TASOR2: variants seen among roughly 807,000 people sequenced by gnomAD.
The protein encoded by TASOR2 is protein TASOR 2.
Under a neutral mutation model 199.5 loss-of-function variants are expected in TASOR2, and 84 were observed. That is an observed-to-expected ratio of 0.42 (90% CI 0.35 to 0.50). TASOR2 has a LOEUF of 0.50. Among genes scored for constraint, TASOR2 ranks in the 20% least tolerant of loss-of-function variants. TASOR2 has a pLI of 0.02. For synonymous variants in TASOR2, 1,103 were observed against 1,046.6 expected, an observed-to-expected ratio of 1.05 and a Z score of -1.04; for missense variants, 2,796 against 2,835.9, an observed-to-expected ratio of 0.99 and a Z score of 0.32.
At chr10:5,728,541 C>G (rs1270650236) in intron 10 of TASOR2, among the ~76,000 whole-genome samples, 3 of 151,572 alleles carry the variant, frequency 2.0e-5, no homozygotes, top group East Asian at 3.9e-4. Context: ...GAGGCTGAGG[C>G]AGGGGAATCA....
intron 11 of TASOR2, among the ~76,000 whole-genome samples, chr10:5,732,965 A>G (rs1564316285): frequency 1.3e-5 from 2 of 152,214 alleles, no homozygotes; most frequent in African/African-American, 2.4e-5. Flanking sequence ...GCACCAGACT[A>G]TACAACTATC....
rs1191512265 is a variant in TASOR2 at position 5,699,741 on chromosome 10, A to T, written c.-287-13082A>T. On this transcript the variant is annotated intron_variant, in intron 1 of 20. Transcript: ENST00000328090. This position sits in a 1 kb window ranked among gnomAD's most constrained non-coding sequence, Gnocchi z 4.1. The stretch of plus-strand genomic sequence containing the variant: ...AAAGTAGAAATGAAATTTTATGGTA[A>T]GTATATTTTACCACAATTTTGATAA... 7.1e-6 allele frequency: 6 copies of T among 843,314 alleles called. No homozygotes were observed. Among genetic ancestry groups the T allele is most frequent in the Non-Finnish European group, 8.6e-6 (6 of 700,530 alleles). 52.2% of individuals were successfully genotyped at this position (843,314 alleles called of 1,614,324 possible). A position where few individuals can be genotyped will look rare whatever the true frequency, so the allele number is the denominator to read the frequency against.
At chr10:5,735,176 C>T (rs1055588053) in intron 11 of TASOR2, 128 bp from the exon 13 acceptor site, 1 of 1,078,038 alleles carries the variant, frequency 9.3e-7, no homozygotes, top group Non-Finnish European at 1.3e-6. Context: ...CCTGAAACTT[C>T]ATAGTTTATT....
At chr10:5,746,146 GA>G (rs751242291) in intron 14 of TASOR2, 32 bp from the exon 16 acceptor site, 2 of 972,344 alleles carry the variant, frequency 2.1e-6, no homozygotes, top group Non-Finnish European at 2.9e-6. Context: ...TTATATGACT[GA>G]TTTTTTTTTT....
chr10:5,726,649 G>A (rs1373851850), intron 8 of TASOR2, among the ~76,000 whole-genome samples: 1 of 152,160 alleles, frequency 6.6e-6, no homozygotes, highest in Non-Finnish European at 1.5e-5. Context: ...CTTGAGCACT[G>A]TTCTAAAACT....
intron 3 of TASOR2, among the ~76,000 whole-genome samples, chr10:5,718,313 C>T (rs35585360): frequency 0.42 from 61,116 of 145,406 alleles, 13,223 homozygotes; most frequent in Middle Eastern, 0.58. Context: ...TCTGTGGTCT[C>T]GTTTTATTGT....
chr10:5,742,354 A>G lies in TASOR2; in HGVS notation c.2585A>G (p.His862Arg). 1 of 1,614,182 alleles carries G rather than the reference A, an allele frequency of 6.2e-7. No individual in the cohort carries two copies. The highest frequency in any genetic ancestry group is 8.5e-7 in the Non-Finnish European group (1 of 1,180,030). The change falls in exon 14 of 21, where the codon CAT becomes CGT. Residue 862 changes from histidine (H) to arginine (R), a missense_variant. Coordinates refer to ENST00000328090, the Ensembl canonical transcript of TASOR2. This position sits in a 1 kb window ranked among gnomAD's most constrained non-coding sequence, Gnocchi z 4.2. ...GAGACTAACGAAATTTCCAGGGCTCATGCTGCTGAAGTATCCTTCCGTGAT... is the reference window on the plus strand; with the variant it reads ...GAGACTAACGAAATTTCCAGGGCTCGTGCTGCTGAAGTATCCTTCCGTGAT...
chr10:5,726,662 C>T (rs1018298264), intron 8 of TASOR2, among the ~76,000 whole-genome samples: 2 of 152,164 alleles, frequency 1.3e-5, no homozygotes, highest in Non-Finnish European at 2.9e-5. Flanking sequence ...CTAAAACTAA[C>T]CTTTCATGTT....
intron 2 of TASOR2, chr10:5,713,806 C>G (rs1159830639): frequency 6.0e-6 from 1 of 165,524 alleles, no homozygotes; most frequent in Non-Finnish European, 1.3e-5. Context: ...TGGTAAAATT[C>G]TATGAAAAGT....
At chr10:5,708,491 T>A (rs1244151828) in intron 1 of TASOR2, among the ~76,000 whole-genome samples, 1 of 152,186 alleles carries the variant, frequency 6.6e-6, no homozygotes, top group Non-Finnish European at 1.5e-5. Context: ...CAGATTTTTC[T>A]TCCTTGTCTA....
At chr10:5,759,955 A>G (rs1839544029) in intron 18 of TASOR2, among the ~76,000 whole-genome samples, 1 of 152,228 alleles carries the variant, frequency 6.6e-6, no homozygotes. Flanking sequence ...AGCACATTTA[A>G]GGTTCTGATG....
intron 1 of TASOR2, among the ~76,000 whole-genome samples, chr10:5,688,016 C>G (rs1835980812): frequency 6.6e-6 from 1 of 152,116 alleles, no homozygotes; most frequent in Middle Eastern, 3.2e-3. Flanking sequence ...TACATTTTTG[C>G]AAATACGCTG....
In TASOR2 at chr10:5,685,312, G is replaced by T. The variant is rs1293850778; in HGVS notation, c.-288+137G>T. 7.6e-6 allele frequency: 3 copies of T among 396,318 alleles called. 1 individual carries two copies. The highest frequency in any genetic ancestry group is 4.4e-6 in the Non-Finnish European group (1 of 225,058). The allele number at this position is 396,318 out of a possible 1,614,324, so 24.6% of individuals were successfully genotyped here. On this transcript the variant is annotated intron_variant, in intron 1 of 20. Transcript: ENST00000328090. The surrounding 1 kb of genome is among the most constrained non-coding windows in gnomAD (Gnocchi z 5.4). ...CTCCTTGCCTTTTGCCGCGCTCCGGGTGAGGGGGTGGGAGGGGTCGGCGCC... is the reference window on the plus strand; with the variant it reads ...CTCCTTGCCTTTTGCCGCGCTCCGGTTGAGGGGGTGGGAGGGGTCGGCGCC...
chr10:5,732,614 G>A (rs1057347024), intron 11 of TASOR2, among the ~76,000 whole-genome samples: 3 of 152,208 alleles, frequency 2.0e-5, no homozygotes, highest in African/African-American at 7.2e-5. Flanking sequence ...CTGGAGTTGA[G>A]TGACATGATC....
At position 5,727,010 on chromosome 10, in the gene TASOR2, T is replaced by G. The variant is rs147563603; in HGVS notation, c.425-51T>G. 75 of 1,613,522 alleles carry G rather than the reference T, an allele frequency of 4.6e-5. No individual in the cohort carries two copies. The African/African-American group carries it at 8.8e-4, about 19-fold the overall frequency. ...ATTTTTCATTATGTTTACTTTTGCTTTATAAGATCAACAACCTAACTTTTC... is the reference window on the plus strand; with the variant it reads ...ATTTTTCATTATGTTTACTTTTGCTGTATAAGATCAACAACCTAACTTTTC... On this transcript the variant is annotated intron_variant, in intron 9 of 20. Transcript: ENST00000328090.
rs572935130 is a variant in TASOR2, at chr10:5,738,106, A to G, written c.1448-1512A>G. Among the ~76,000 whole-genome samples the G allele has an allele frequency of 1.3e-4, 20 of 152,328 alleles. 1 individual carries two copies. The highest frequency in any genetic ancestry group is 4.8e-4 in the African/African-American group (20 of 41,582). On this transcript the variant is annotated intron_variant, in intron 12 of 20. Transcript: ENST00000328090. This position sits in a 1 kb window ranked among gnomAD's most constrained non-coding sequence, Gnocchi z 4.7. ...TTGCAAATTACTGATTTAAATTAGA[A>G]TCAAATGATAATTTTGAAGTCAGAC...
At position 5,699,183 on chromosome 10, in the gene TASOR2, T is replaced by C. The variant is rs1437395393; in HGVS notation, c.-287-13640T>C. Among the ~76,000 whole-genome samples the C allele has an allele frequency of 2.0e-5, 3 of 152,150 alleles. No homozygotes were observed. Among genetic ancestry groups the C allele is most frequent in the Non-Finnish European group, 4.4e-5 (3 of 67,988 alleles). Reference sequence around the variant, plus strand: ...ATATTGATATATGCTTTAACATGGATGAACTTCAAAAACAGGCTAAGTGAA... The same window carrying C: ...ATATTGATATATGCTTTAACATGGACGAACTTCAAAAACAGGCTAAGTGAA... On this transcript the variant is annotated intron_variant, in intron 1 of 20. Coordinates refer to ENST00000328090, the Ensembl canonical transcript of TASOR2. The surrounding 1 kb of genome is among the most constrained non-coding windows in gnomAD (Gnocchi z 4.1).
chr10:5,732,680 C>G (rs1834993956), intron 11 of TASOR2, among the ~76,000 whole-genome samples: 1 of 152,146 alleles, frequency 6.6e-6, no homozygotes, highest in Non-Finnish European at 1.5e-5. Context: ...GCCTCAGCCT[C>G]TGGAGTAGCT....
chr10:5,691,472 A>AC (rs1378612344), intron 1 of TASOR2, among the ~76,000 whole-genome samples: 5 of 152,328 alleles, frequency 3.3e-5, no homozygotes, highest in African/African-American at 1.2e-4. Context: ...AATTCCAAAA[A>AC]AAAAGTTTTT....
Sources: allele counts gnomAD v4.1 joint callset (sites outside exome capture counted in the v4.1 genomes callset), GRCh38; gene constraint gnomAD v4.1.1; non-coding constraint Gnocchi (gnomAD v3.1); transcripts MANE v1.5; gene names NCBI Gene and HGNC (gene_info 2026-07-23, HGNC 2026-07-21).